The following MCF2L variants were observed in gnomAD, a reference collection of about 807,000 sequenced individuals.
MCF2L encodes the protein MCF.2 cell line derived transforming sequence like.
MCF2L carries 97 observed loss-of-function variants against 153.4 expected under a neutral mutation model. The observed-to-expected ratio is 0.63, with a 90% confidence interval of 0.54 to 0.75. The LOEUF is 0.75. Among genes scored for constraint, MCF2L ranks in the 30% least tolerant of loss-of-function variants. The pLI, the probability that MCF2L is intolerant of heterozygous loss-of-function variation, is 0.00. For synonymous variants in MCF2L, 659 were observed against 632.2 expected, an observed-to-expected ratio of 1.04 and a Z score of -0.64; for missense variants, 1,347 against 1,495.2, an observed-to-expected ratio of 0.90 and a Z score of 1.64.
At chr13:112,981,747 C>A (rs7993758) in intron 1 of MCF2L, among the ~76,000 whole-genome samples, 3 of 152,330 alleles carry the variant, frequency 2.0e-5, no homozygotes, top group Admixed American at 2.0e-4. Context: ...CCGGGCGGTG[C>A]GGGTGCGGCT....
At chr13:112,985,637 TG>T (rs2082607462) in intron 1 of MCF2L, among the ~76,000 whole-genome samples, 1 of 152,044 alleles carries the variant, frequency 6.6e-6, no homozygotes, top group South Asian at 2.1e-4. Flanking sequence ...GCTCAGGGAG[TG>T]GGGATGAGAA....
Position 113,089,746 on chromosome 13 carries a change from C to A in MCF2L, c.2953+18C>A. The stretch of plus-strand genomic sequence containing the variant: ...GGGCAAAGGTGGGTATGTGCAGGGA[C>A]CGGGCCTCACACGGAGGCCTCACAC... On this transcript the variant is annotated intron_variant, in intron 26 of 29. Transcript: ENST00000535094. 1.2e-6 allele frequency: 2 copies of A among 1,606,300 alleles called. No individual in the cohort carries two copies. Among genetic ancestry groups the A allele is most frequent in the East Asian group, 2.2e-5 (1 of 44,856 alleles).
chr13:112,899,423 C>T (rs1424063637), intron 1 of MCF2L, among the ~76,000 whole-genome samples: 7 of 152,152 alleles, frequency 4.6e-5, no homozygotes, highest in Non-Finnish European at 8.8e-5. Flanking sequence ...AGAGAACAGA[C>T]GTGAACAGGA....
chr13:113,088,512 G>A lies in MCF2L; in HGVS notation c.2768-50G>A, dbSNP rs74115792. ...CCCCCCATGCGCAAGGTGCCTCGGC[G>A]TTGAAGTAAAGACGCTCGTTCACGT... On this transcript the variant is annotated intron_variant, in intron 24 of 29. Transcript: ENST00000535094. 3.0e-3 allele frequency: 4,827 copies of A among 1,609,436 alleles called. 135 individuals carry two copies. In the African/African-American group the frequency reaches 0.053, roughly 18 times the overall value.
intron 26 of MCF2L, chr13:113,090,675 A>G (rs2035121691): frequency 1.0e-6 from 1 of 985,358 alleles, no homozygotes; most frequent in South Asian, 4.7e-5. Flanking sequence ...GAGGCCCTGG[A>G]AGCCGGCCCT....
chr13:112,999,903 G>T (rs1350846603), intron 1 of MCF2L, among the ~76,000 whole-genome samples: 1 of 152,202 alleles, frequency 6.6e-6, no homozygotes. Flanking sequence ...AGCACAGGCA[G>T]GGCTGAAGTG....
chr13:113,032,195 C>T (rs2085768791), intron 3 of MCF2L, among the ~76,000 whole-genome samples: 1 of 152,246 alleles, frequency 6.6e-6, no homozygotes, highest in South Asian at 2.1e-4. Flanking sequence ...CCTGAGCACC[C>T]TGTCCTGCTG....
rs139021834 is a variant in MCF2L at position 113,045,019 on chromosome 13, C to G, written c.279-252C>G. ...GATGGTTCTGCCTCAATCTGTGACT[C>G]GAGGTGGTTGGTGTTAGGCTGAGAA... On this transcript the variant is annotated intron_variant, in intron 3 of 29. Transcript: ENST00000535094. This position sits in a 1 kb window ranked among gnomAD's most constrained non-coding sequence, Gnocchi z 4.2. 7 of 1,274,860 alleles carry G rather than the reference C, an allele frequency of 5.5e-6. No individual in the cohort carries two copies. In the African/African-American group the frequency reaches 8.9e-5, roughly 16 times the overall value. The allele number at this position is 1,274,860 out of a possible 1,614,324, so 79.0% of individuals were successfully genotyped here.
intron 2 of MCF2L, among the ~76,000 whole-genome samples, chr13:113,020,884 ATGTG>A (rs1245296009): frequency 3.0e-5 from 3 of 99,578 alleles, no homozygotes; most frequent in Non-Finnish European, 6.3e-5. Context: ...GTATGTGTAG[ATGTG>A]TGTATGTGTA....
intron 12 of MCF2L, among the ~76,000 whole-genome samples, chr13:113,076,588 A>G (rs2033502579): frequency 6.6e-6 from 1 of 152,230 alleles, no homozygotes; most frequent in Non-Finnish European, 1.5e-5. Context: ...ACTACCAAAT[A>G]ATAGGCATAT....
intron 15 of MCF2L, among the ~76,000 whole-genome samples, 171 bp from the exon 16 acceptor site, chr13:113,081,042 G>A (rs1198022895): frequency 4.6e-5 from 7 of 152,240 alleles, no homozygotes; most frequent in African/African-American, 9.6e-5. Context: ...CTGAGGCCGC[G>A]AGCTGGGAGG....
chr13:113,061,709 CCCTCCCCTCCCCCT>C (rs2031459586), intron 5 of MCF2L, among the ~76,000 whole-genome samples: 1 of 48,406 alleles, frequency 2.1e-5, no homozygotes, highest in African/African-American at 7.2e-5. Flanking sequence ...CTCCCCCTTG[CCCTCCCCTCCCCCT>C]TGCCCTCCCC....
At chr13:113,084,641 G>A (rs890460715) in intron 18 of MCF2L, 17 of 557,192 alleles carry the variant, frequency 3.1e-5, no homozygotes, top group Non-Finnish European at 4.1e-5. Context: ...TCCACTCCAC[G>A]CCTGTGCTCT....
At chr13:112,954,150 G>A (rs1353523836) in intron 2 of MCF2L, among the ~76,000 whole-genome samples, 2 of 152,190 alleles carry the variant, frequency 1.3e-5, no homozygotes, top group Non-Finnish European at 2.9e-5. Flanking sequence ...CCCGAGGAGA[G>A]GGGAGGTGGC....
chr13:113,090,468 AG>A (rs2035100427), intron 26 of MCF2L: 1 of 942,960 alleles, frequency 1.1e-6, no homozygotes, highest in South Asian at 5.0e-5. Context: ...CCGCCTTCTC[AG>A]GTGAGTTCCC....
rs1283155484 is a variant in MCF2L at position 113,031,303 on chromosome 13, C to T, written c.278+6545C>T. Among the ~76,000 whole-genome samples the T allele has an allele frequency of 2.0e-5, 3 of 151,984 alleles. No homozygotes were observed. The South Asian group carries it at 6.2e-4, about 32-fold the overall frequency. On this transcript the variant is annotated intron_variant, in intron 3 of 29. Coordinates refer to ENST00000535094, the MANE Select transcript of MCF2L (RefSeq NM_001112732.3). This position sits in a 1 kb window ranked among gnomAD's most constrained non-coding sequence, Gnocchi z 5.5. ...CGGAGACACAGAGATAAAGAGAGCA[C>T]GAGGGAGGCAGAGGGCAGGGGTGGC...
At chr13:113,004,894 G>A (rs762198049) in intron 1 of MCF2L, among the ~76,000 whole-genome samples, 1 of 152,248 alleles carries the variant, frequency 6.6e-6, no homozygotes, top group Non-Finnish European at 1.5e-5. Context: ...CATGCTGTTG[G>A]TGGGCACGTA....
chr13:112,933,986 A>G (rs1440786834), intron 2 of MCF2L, among the ~76,000 whole-genome samples: 3 of 152,254 alleles, frequency 2.0e-5, no homozygotes, highest in Non-Finnish European at 4.4e-5. Flanking sequence ...AATAGAAATC[A>G]AAATTCTCAT....
At chr13:113,044,637 C>G (rs756690630) in intron 3 of MCF2L, 2 of 1,606,300 alleles carry the variant, frequency 1.2e-6, no homozygotes, top group Non-Finnish European at 1.7e-6. Flanking sequence ...CTCTCCGCAC[C>G]GACTCTGTGA....
Sources: gnomAD v4.1 joint callset for allele counts (sites outside exome capture counted in the v4.1 genomes callset) on GRCh38, gnomAD v4.1.1 for gene constraint, Gnocchi (gnomAD v3.1) non-coding constraint, MANE v1.5 for transcripts, NCBI Gene and HGNC (gene_info 2026-07-23, HGNC 2026-07-21) for gene names.